DYSF: variants seen among roughly 807,000 people sequenced by gnomAD.
The protein encoded by DYSF is dysferlin.
In DYSF, 212 loss-of-function variants were observed where a neutral mutation model predicts 274.9. The ratio of observed to expected loss-of-function variants is 0.77; its 90% CI spans 0.69 to 0.86. The LOEUF (loss-of-function observed/expected upper bound fraction) is 0.86, where lower values mean the gene tolerates loss of function less well. DYSF is among the 40% of genes least tolerant of loss of function. DYSF has a pLI of 0.00. For synonymous variants in DYSF, 1,091 were observed against 1,078.7 expected (o/e 1.01, Z -0.22); for missense variants, 2,666 against 2,783.2 (o/e 0.96, Z 0.95).
chr2:71,474,458 A>G (rs1055892900), intron 1 of DYSF, among the ~76,000 whole-genome samples: 5 of 152,214 alleles, frequency 3.3e-5, no homozygotes, highest in African/African-American at 4.8e-5. Context: ...AATTACATGC[A>G]TAAAGCCACA....
At chr2:71,476,452 A>C (rs1404786787) in intron 1 of DYSF, among the ~76,000 whole-genome samples, 1 of 151,808 alleles carries the variant, frequency 6.6e-6, no homozygotes, top group Non-Finnish European at 1.5e-5. Flanking sequence ...GAGGCATGAG[A>C]ATCGCTTGAA....
intron 45 of DYSF, 147 bp from the exon 46 acceptor site, chr2:71,664,121 G>A (rs1444687886): frequency 6.4e-6 from 6 of 937,088 alleles, no homozygotes; most frequent in Non-Finnish European, 8.4e-6. Context: ...GCCCAGTACA[G>A]CAGTGCTGTG....
At chr2:71,609,013 T>G (rs2093699326) in intron 36 of DYSF, among the ~76,000 whole-genome samples, 1 of 151,538 alleles carries the variant, frequency 6.6e-6, no homozygotes. Flanking sequence ...TAAGGGGCCA[T>G]GAACAGACCA....
intron 17 of DYSF, among the ~76,000 whole-genome samples, chr2:71,548,674 G>A (rs1387591245): frequency 6.6e-6 from 1 of 152,192 alleles, no homozygotes; most frequent in African/African-American, 2.4e-5. Flanking sequence ...ACATTCAGGG[G>A]CACACCCAAG....
rs1192937487 is a variant in DYSF, at chr2:71,535,298, C to T, written c.1480C>T (p.Arg494Cys). 8.1e-6 allele frequency: 13 copies of T among 1,614,134 alleles called. No homozygotes were observed. Among genetic ancestry groups the T allele is most frequent in the East Asian group, 2.2e-5 (1 of 44,880 alleles). ...CTCCATGTGCGAAAAAATGAGGATTCGTATCATAGACTGGTGAGTTCTGAG... is the reference window on the plus strand; with the variant it reads ...CTCCATGTGCGAAAAAATGAGGATTTGTATCATAGACTGGTGAGTTCTGAG... ...FPSMCEKMRIRIIDWDRLTHN... is the reference protein window; with the variant it reads ...FPSMCEKMRICIIDWDRLTHN... Residue 494 changes from arginine to cysteine, a missense_variant, in exon 16 of 56, where the codon CGT becomes TGT. Arg to Cys is a radical substitution (Grantham distance 180). Coordinates refer to ENST00000410020, the MANE Select transcript of DYSF (RefSeq NM_001130987.2).
intron 24 of DYSF, among the ~76,000 whole-genome samples, chr2:71,566,644 TGGGGGAAGTG>T: frequency 7.1e-6 from 1 of 140,978 alleles, no homozygotes; most frequent in African/African-American, 2.7e-5. Context: ...CGGGGGTGGA[TGGGGGAAGTG>T]GGGGTCAGGC....
intron 32 of DYSF, among the ~76,000 whole-genome samples, chr2:71,590,891 C>T (rs1046310533): frequency 2.0e-4 from 31 of 152,208 alleles, no homozygotes; most frequent in Non-Finnish European, 2.9e-5. Flanking sequence ...TGTCACACTG[C>T]CATCTGACAC....
At position 71,483,823 on chromosome 2, in the gene DYSF, C is replaced by T. The variant is rs552379510; in HGVS notation, c.239+1853C>T. Reference sequence around the variant, plus strand: ...GGAAGGCAGGTTTTTGGGACATGCTCATAGTCACTGAGCCCCATGTGCCTC... The same window carrying T: ...GGAAGGCAGGTTTTTGGGACATGCTTATAGTCACTGAGCCCCATGTGCCTC... On this transcript the variant is annotated intron_variant, in intron 3 of 55. Coordinates refer to ENST00000410020, the MANE Select transcript of DYSF (RefSeq NM_001130987.2). Among the ~76,000 whole-genome samples, 42 of 152,056 alleles carry T rather than the reference C, an allele frequency of 2.8e-4. No individual in the cohort carries two copies. The South Asian group carries it at 6.7e-3, about 24-fold the overall frequency.
At chr2:71,612,367 A>G (rs2093783161) in intron 38 of DYSF, among the ~76,000 whole-genome samples, 1 of 152,122 alleles carries the variant, frequency 6.6e-6, no homozygotes, top group African/African-American at 2.4e-5. Flanking sequence ...CCAGCCAGTG[A>G]GGGAGCGCAG....
upstream of DYSF, chr2:71,466,649 G>A (rs939978232): frequency 7.6e-7 from 1 of 1,309,620 alleles, no homozygotes; most frequent in Non-Finnish European, 9.7e-7. Flanking sequence ...GGGAGGGTCC[G>A]CCCAGCGGGT....
At chr2:71,559,421 AT>A (rs915928407) in intron 22 of DYSF, among the ~76,000 whole-genome samples, 3 of 151,300 alleles carry the variant, frequency 2.0e-5, no homozygotes, top group African/African-American at 7.3e-5. Context: ...CTCCTTTAGT[AT>A]CCCCATCGTC....
intron 4 of DYSF, among the ~76,000 whole-genome samples, chr2:71,508,648 T>C (rs888384104): frequency 1.3e-5 from 2 of 152,226 alleles, no homozygotes; most frequent in Non-Finnish European, 2.9e-5. Flanking sequence ...CGTGGCTGTC[T>C]TTGTGCCCTA....
chr2:71,593,394 G>A (rs2093327309), intron 32 of DYSF, among the ~76,000 whole-genome samples: 1 of 152,216 alleles, frequency 6.6e-6, no homozygotes, highest in African/African-American at 2.4e-5. Context: ...GCCTCCCGGA[G>A]TGCTGGGATT....
Position 71,611,495 on chromosome 2 carries a change from A to C in DYSF, c.4090A>C (p.Ser1364Arg). The change falls in exon 38 of 56, where the codon AGT (serine) becomes CGT (arginine). Residue 1364 changes from serine to arginine, a missense_variant. Physicochemically the swap from Ser to Arg is moderately radical, Grantham distance 110 (BLOSUM62 -1). Transcript: ENST00000410020. ...ILAWGLRNMK[S>R]YQLANISSPS... ...GGCATGGGGCCTGCGGAACATGAAG[A>C]GTTACCAGCTGGCCAACATCTCCTC... 1 of 1,614,092 alleles carries C rather than the reference A, an allele frequency of 6.2e-7. No homozygotes were observed. Among genetic ancestry groups the C allele is most frequent in the Non-Finnish European group, 8.5e-7 (1 of 1,180,010 alleles).
chr2:71,625,275 T>A (rs1054379001), intron 41 of DYSF, among the ~76,000 whole-genome samples: 1 of 152,162 alleles, frequency 6.6e-6, no homozygotes, highest in Non-Finnish European at 1.5e-5. Context: ...AGGGAGCTAT[T>A]TGTCTATATT....
chr2:71,520,241 AT>A (rs553797902), intron 11 of DYSF, 33 bp downstream of exon 11: 1 of 1,613,588 alleles, frequency 6.2e-7, no homozygotes. Flanking sequence ...GTATCCTTGC[AT>A]TTTGGTTCTG....
intron 40 of DYSF, among the ~76,000 whole-genome samples, chr2:71,619,703 C>T (rs2152893590): frequency 6.6e-6 from 1 of 152,322 alleles, no homozygotes; most frequent in South Asian, 2.1e-4. Flanking sequence ...TTCTTCCCCT[C>T]TACCTTTGCG....
intron 42 of DYSF, among the ~76,000 whole-genome samples, chr2:71,653,459 A>G (rs1373858205): frequency 6.6e-6 from 1 of 152,116 alleles, no homozygotes; most frequent in Non-Finnish European, 1.5e-5. Context: ...GCACATATAC[A>G]CCATGGAATA....
At chr2:71,683,370 C>G (rs1414117479) in intron 55 of DYSF, among the ~76,000 whole-genome samples, 1 of 152,142 alleles carries the variant, frequency 6.6e-6, no homozygotes, top group African/African-American at 2.4e-5. Context: ...GAGGAAGGTC[C>G]CTGCCTGTGC....
Sources: gnomAD v4.1 joint callset for allele counts (sites outside exome capture counted in the v4.1 genomes callset) on GRCh38, gnomAD v4.1.1 for gene constraint, MANE v1.5 for transcripts, NCBI Gene and HGNC (gene_info 2026-07-23, HGNC 2026-07-21) for gene names.